RBPMS: variants seen among roughly 807,000 people sequenced by gnomAD.
The protein encoded by RBPMS is RNA binding protein, mRNA processing factor.
A neutral mutation model predicts 26.8 loss-of-function variants in RBPMS; 7 were observed. The ratio of observed to expected loss-of-function variants is 0.26; its 90% CI spans 0.15 to 0.49. The LOEUF is 0.49. Ranked by LOEUF, RBPMS falls within the 20% of genes least tolerant of loss-of-function variation. The pLI, the probability that RBPMS is intolerant of heterozygous loss-of-function variation, is 0.98. For missense variants in RBPMS, 186 were observed against 250.0 expected, an observed-to-expected ratio of 0.74 and a Z score of 1.73; for synonymous variants, 96 against 93.3, an observed-to-expected ratio of 1.03 and a Z score of -0.17.
chr8:30,507,343 C>A (rs1243924057), intron 5 of RBPMS, among the ~76,000 whole-genome samples: 2 of 152,010 alleles, frequency 1.3e-5, no homozygotes, highest in Non-Finnish European at 2.9e-5. Flanking sequence ...AAACAATATC[C>A]CAGGATTGGG....
At chr8:30,556,507 TC>T in intron 6 of RBPMS, 2 of 985,866 alleles carry the variant, frequency 2.0e-6, no homozygotes, top group Non-Finnish European at 2.4e-6. Context: ...CGGGCAGCCC[TC>T]CCCCTCCTGT....
At chr8:30,515,970 A>G (rs1245858339) in intron 5 of RBPMS, among the ~76,000 whole-genome samples, 1 of 152,176 alleles carries the variant, frequency 6.6e-6, no homozygotes, top group Admixed American at 6.5e-5. Context: ...TTAACTTCAA[A>G]AGTTTATAAC....
At chr8:30,517,293 G>A (rs532177440) in intron 5 of RBPMS, among the ~76,000 whole-genome samples, 15 of 149,350 alleles carry the variant, frequency 1.0e-4, no homozygotes, top group African/African-American at 3.2e-4. Flanking sequence ...CAGAAATGAT[G>A]GTCGCTTAGA....
intron 1 of RBPMS, among the ~76,000 whole-genome samples, chr8:30,426,720 C>G (rs892158331): frequency 6.9e-6 from 1 of 143,908 alleles, no homozygotes; most frequent in Non-Finnish European, 1.5e-5. Flanking sequence ...TGGGGTTTCT[C>G]CAGGTGGTAG....
At chr8:30,562,915 C>A (rs1008439448) in intron 7 of RBPMS, among the ~76,000 whole-genome samples, 1 of 152,184 alleles carries the variant, frequency 6.6e-6, no homozygotes, top group Admixed American at 6.5e-5. Flanking sequence ...AAATCAGTGA[C>A]TAGACTAGAT....
At chr8:30,435,386 T>TA (rs1270644627) in intron 1 of RBPMS, among the ~76,000 whole-genome samples, 1 of 152,232 alleles carries the variant, frequency 6.6e-6, no homozygotes, top group Admixed American at 6.5e-5. Context: ...ATGCTCAACC[T>TA]ACACTACTTG....
At chr8:30,472,549 TTCAAGATGTGTAGTTTATTATATATCAA>T (rs1387769713) in intron 1 of RBPMS, among the ~76,000 whole-genome samples, 4 of 152,248 alleles carry the variant, frequency 2.6e-5, no homozygotes, top group Admixed American at 1.3e-4. Context: ...CATCACATAT[TTCAAGATGTGTAGTTTATTATATATCAA>T]TCATAACCTC....
chr8:30,540,699 G>A (rs776897467), intron 5 of RBPMS, among the ~76,000 whole-genome samples: 28 of 152,196 alleles, frequency 1.8e-4, no homozygotes, highest in Non-Finnish European at 1.9e-4. Flanking sequence ...AGAGCACTGG[G>A]ATCACAGGTG....
intron 1 of RBPMS, among the ~76,000 whole-genome samples, chr8:30,387,790 T>C (rs1188351970): frequency 6.6e-6 from 1 of 152,236 alleles, no homozygotes; most frequent in Non-Finnish European, 1.5e-5. Context: ...CGAAACGAAT[T>C]CCTTCTATCA....
At chr8:30,461,515 C>T (rs1463161560) in intron 1 of RBPMS, among the ~76,000 whole-genome samples, 1 of 152,166 alleles carries the variant, frequency 6.6e-6, no homozygotes, top group Non-Finnish European at 1.5e-5. Flanking sequence ...CTGCCTCAGC[C>T]TCCTGAGTAG....
intron 5 of RBPMS, among the ~76,000 whole-genome samples, chr8:30,510,520 T>C (rs1821479910): frequency 6.6e-6 from 1 of 151,744 alleles, no homozygotes; most frequent in South Asian, 2.1e-4. Flanking sequence ...TTTCCAGTTA[T>C]GTTTTTATTA....
At chr8:30,522,936 T>G (rs920237770) in intron 5 of RBPMS, among the ~76,000 whole-genome samples, 1 of 152,212 alleles carries the variant, frequency 6.6e-6, no homozygotes, top group Admixed American at 6.5e-5. Flanking sequence ...ATAAGAAGAA[T>G]AATGCTTTCT....
intron 1 of RBPMS, among the ~76,000 whole-genome samples, chr8:30,426,845 AACACACACAGACAT>A (rs1182468295): frequency 1.3e-5 from 2 of 150,544 alleles, no homozygotes; most frequent in East Asian, 3.8e-4. Flanking sequence ...CTCCCCAGAA[AACACACACAGACAT>A]ACACACAATG....
At chr8:30,465,615 T>C (rs1374654383) in intron 1 of RBPMS, among the ~76,000 whole-genome samples, 3 of 152,098 alleles carry the variant, frequency 2.0e-5, no homozygotes, top group Non-Finnish European at 2.9e-5. Context: ...GGCGAAACCC[T>C]GTCTCTGCCA....
At chr8:30,544,406 G>T in intron 5 of RBPMS, 88 bp from the exon 6 acceptor site, 1 of 1,299,294 alleles carries the variant, frequency 7.7e-7, no homozygotes, top group Non-Finnish European at 1.1e-6. Context: ...GACAGTGATT[G>T]GGGCTCGGGG....
intron 1 of RBPMS, among the ~76,000 whole-genome samples, chr8:30,414,026 G>A (rs1196994340): frequency 6.6e-6 from 1 of 152,204 alleles, no homozygotes; most frequent in African/African-American, 2.4e-5. Flanking sequence ...ACAGGTGTGA[G>A]CCACCGTGCC....
chr8:30,515,447 C>T (rs917600355), intron 5 of RBPMS, among the ~76,000 whole-genome samples: 20 of 152,124 alleles, frequency 1.3e-4, no homozygotes, highest in Admixed American at 1.1e-3. Flanking sequence ...CAGCTAGATG[C>T]ATGTCTCTGT....
At chr8:30,492,920 A>G (rs1273958224) in intron 4 of RBPMS, among the ~76,000 whole-genome samples, 1 of 152,170 alleles carries the variant, frequency 6.6e-6, no homozygotes, top group Non-Finnish European at 1.5e-5. Context: ...ACAGAGATGA[A>G]TCACATAATC....
intron 1 of RBPMS, among the ~76,000 whole-genome samples, chr8:30,426,210 A>G (rs1289982614): frequency 6.6e-6 from 1 of 152,176 alleles, no homozygotes; most frequent in African/African-American, 2.4e-5. Context: ...CCCATCTGTA[A>G]ATAAGGTTTC....
Sources: gnomAD v4.1 joint callset for allele counts (sites outside exome capture counted in the v4.1 genomes callset) on GRCh38, gnomAD v4.1.1 for gene constraint, MANE v1.5 for transcripts, NCBI Gene and HGNC (gene_info 2026-07-23, HGNC 2026-07-21) for gene names.